SPAST: variants seen among roughly 807,000 people sequenced by gnomAD.
SPAST encodes the protein spastic paraplegia 4 (autosomal dominant; spastin).
A neutral mutation model predicts 76.6 loss-of-function variants in SPAST; 30 were observed. The observed-to-expected ratio is 0.39, with a 90% CI of 0.29 to 0.53. The LOEUF (loss-of-function observed/expected upper bound fraction) is 0.53, where lower values mean the gene tolerates loss of function less well. Among genes scored for constraint, SPAST ranks in the 20% least tolerant of loss-of-function variants. The pLI is 0.68. For missense variants in SPAST, 717 were observed against 770.5 expected, an observed-to-expected ratio of 0.93 and a Z score of 0.82; for synonymous variants, 305 against 281.0, an observed-to-expected ratio of 1.09 and a Z score of -0.86.
intron 4 of SPAST, among the ~76,000 whole-genome samples, chr2:32,114,357 A>G (rs548922963): frequency 1.0e-3 from 156 of 152,122 alleles, no homozygotes; most frequent in Non-Finnish European, 1.6e-3. Flanking sequence ...TAAGGCCACA[A>G]TGAGCTGTGA....
At position 32,063,665 on chromosome 2, in the gene SPAST, G is replaced by T. The variant is rs964855454; in HGVS notation, c.-167G>T. ...GGGGTTGTGCTCCTGGCCGAGGAAG[G>T]AGAAAGGGGCGGGGCCGGCGGGCAG... On this transcript the variant is annotated 5_prime_UTR_variant, in exon 1 of 17. Coordinates refer to ENST00000315285, the MANE Select transcript of SPAST (RefSeq NM_014946.4). The T allele has an allele frequency of 7.0e-5, 60 of 857,434 alleles. No homozygotes were observed. Among genetic ancestry groups the T allele is most frequent in the Non-Finnish European group, 1.0e-4 (59 of 575,464 alleles). 53.1% of individuals were successfully genotyped at this position (857,434 alleles called of 1,614,324 possible).
chr2:32,098,532 A>T (rs1678003530), intron 3 of SPAST, among the ~76,000 whole-genome samples: 1 of 152,142 alleles, frequency 6.6e-6, no homozygotes, highest in Non-Finnish European at 1.5e-5. Flanking sequence ...GATGATAGTG[A>T]TATCTAACTA....
chr2:32,129,583 C>T (rs1410944214), intron 9 of SPAST: 1 of 152,148 alleles, frequency 6.6e-6, no homozygotes, highest in African/African-American at 2.4e-5. Context: ...TGGTGCATTG[C>T]AAAACTGTGA....
Position 32,150,230 on chromosome 2 carries a change from G to A in SPAST, c.1728+2972G>A, listed in dbSNP as rs188824148. 5.8e-3 allele frequency among the ~76,000 whole-genome samples: 791 copies of A among 136,242 alleles called. 4 individuals carry two copies. Among genetic ancestry groups the A allele is most frequent in the Non-Finnish European group, 8.9e-3 (577 of 64,584 alleles). 89.4% of individuals were successfully genotyped at this position (136,242 alleles called of 152,430 possible). A position where few individuals can be genotyped will look rare whatever the true frequency, so the allele number is the denominator to read the frequency against. The stretch of plus-strand genomic sequence containing the variant: ...TGGGACTACAGGTGCACGCCACCAC[G>A]CCCAGCTAATTTTTTTTTTTTTTTT... On this transcript the variant is annotated intron_variant, in intron 16 of 16. Coordinates refer to ENST00000315285, the MANE Select transcript of SPAST (RefSeq NM_014946.4).
chr2:32,115,756 C>G lies in SPAST; in HGVS notation c.925C>G (p.Arg309Gly). 6.2e-7 allele frequency: 1 copy of G among 1,610,768 alleles called. No homozygotes were observed. Among genetic ancestry groups the G allele is most frequent in the South Asian group, 1.1e-5 (1 of 90,928 alleles). ...NKPSTPTTAT[R>G]KKKDLKNFRN... ...ACCTTCTACCCCTACAACTGCTACT[C>G]GTAAGAAAAAAGACTTGAAGAATTT... Residue 309 changes from arginine (R) to glycine (G), a missense_variant, in exon 6 of 17, where the codon CGT (arginine) becomes GGT (glycine). By Grantham distance (125) the Arg-to-Gly change is moderately radical (BLOSUM62 -2). This residue lies in a region of SPAST where 543 missense variants were observed against 445.2 expected (regional missense o/e 1.22). Coordinates refer to ENST00000315285, the MANE Select transcript of SPAST (RefSeq NM_014946.4).
intron 1 of SPAST, among the ~76,000 whole-genome samples, chr2:32,066,605 T>G (rs369064666): frequency 6.7e-6 from 1 of 150,330 alleles, no homozygotes; most frequent in South Asian, 2.1e-4. Flanking sequence ...AAGGTGGAGG[T>G]TGCAGTGAGC....
chr2:32,132,127 T>G (rs1679388571), intron 9 of SPAST, among the ~76,000 whole-genome samples: 1 of 152,184 alleles, frequency 6.6e-6, no homozygotes, highest in South Asian at 2.1e-4. Context: ...TGGTGGCTCA[T>G]GCCTGTAATC....
Position 32,117,667 on chromosome 2 carries a change from G to A in SPAST, c.1098+1455G>A, listed in dbSNP as rs1027362154. On this transcript the variant is annotated intron_variant, in intron 7 of 16. Coordinates refer to ENST00000315285, the MANE Select transcript of SPAST (RefSeq NM_014946.4). ...ATGCCTCATCCTCCTGAGTAGCTGG[G>A]TCTATAGGCATGCACCCCAACACCT... Among the ~76,000 whole-genome samples the A allele has an allele frequency of 5.3e-5, 8 of 151,738 alleles. No individual in the cohort carries two copies. The East Asian group carries it at 5.8e-4, about 11-fold the overall frequency.
intron 3 of SPAST, among the ~76,000 whole-genome samples, chr2:32,095,351 T>C (rs1677877539): frequency 6.6e-6 from 1 of 152,078 alleles, no homozygotes; most frequent in African/African-American, 2.4e-5. Flanking sequence ...AGCTTTCTTG[T>C]GTGACAAAGC....
rs1373852506 is a variant in SPAST, at chr2:32,142,029, T to C, written c.1536+83T>C. ...TGACAATATTAAGTCTTCCAATCCATGGTACAGCTACTTTGGAAAACAGTT... is the reference window on the plus strand; with the variant it reads ...TGACAATATTAAGTCTTCCAATCCACGGTACAGCTACTTTGGAAAACAGTT... On this transcript the variant is annotated intron_variant, in intron 13 of 16. Coordinates refer to ENST00000315285, the MANE Select transcript of SPAST (RefSeq NM_014946.4). 3 of 1,048,820 alleles carry C rather than the reference T, an allele frequency of 2.9e-6. No homozygotes were observed. In the African/African-American group the frequency reaches 4.7e-5, roughly 16 times the overall value. 65.0% of individuals were successfully genotyped at this position (1,048,820 alleles called of 1,614,324 possible).
At chr2:32,067,218 C>T (rs759578364) in intron 1 of SPAST, among the ~76,000 whole-genome samples, 3 of 152,058 alleles carry the variant, frequency 2.0e-5, no homozygotes, top group Non-Finnish European at 4.4e-5. Flanking sequence ...TATGCCACCA[C>T]GCCCAGCTAA....
intron 1 of SPAST, among the ~76,000 whole-genome samples, chr2:32,066,956 A>T (rs1329361851): frequency 1.6e-5 from 2 of 121,822 alleles, no homozygotes; most frequent in African/African-American, 3.2e-5. Context: ...ACTGGGTGAC[A>T]GGAGTAAAAC....
At chr2:32,117,402 T>TC (rs1365773628) in intron 7 of SPAST, among the ~76,000 whole-genome samples, 1 of 151,848 alleles carries the variant, frequency 6.6e-6, no homozygotes, top group African/African-American at 2.4e-5. Flanking sequence ...TGTGGTAAAC[T>TC]CCATCGAAGG....
rs1358976852 is a variant in SPAST, at chr2:32,114,821, A to G, written c.866A>G (p.His289Arg). Residue 289 changes from histidine (H) to arginine (R), a missense_variant, in exon 5 of 17, where the codon CAT (histidine) becomes CGT (arginine). His to Arg is a conservative substitution (Grantham distance 29). Transcript: ENST00000315285. ...GGATCTGGTCCTGCTCCTACCACTC[A>G]TAAGGTATTCTGGGACAGTAACTTT... ...KQGSGPAPTT[H>R]KGTPKTNRTN... The G allele has an allele frequency of 6.2e-7, 1 of 1,613,580 alleles. No homozygotes were observed. Among genetic ancestry groups the G allele is most frequent in the East Asian group, 2.2e-5 (1 of 44,882 alleles).
At chr2:32,131,014 A>G (rs796460136) in intron 9 of SPAST, among the ~76,000 whole-genome samples, 93 of 152,330 alleles carry the variant, frequency 6.1e-4, no homozygotes, top group African/African-American at 2.1e-3. Flanking sequence ...CAAACTTGAC[A>G]TGTTGACCAT....
intron 3 of SPAST, among the ~76,000 whole-genome samples, chr2:32,094,419 C>T (rs1485235684): frequency 6.6e-6 from 1 of 151,960 alleles, no homozygotes; most frequent in Non-Finnish European, 1.5e-5. Flanking sequence ...TGAGAAGTTG[C>T]CATGAGTTAG....
chr2:32,144,922 C>T lies in SPAST; in HGVS notation c.1617-15C>T. ...GAGGGGAAATAATTTGCTGTTTCTT[C>T]CTTCCCTTCCTCAGAATGACTGATG... On this transcript the variant is annotated splice_polypyrimidine_tract_variant and intron_variant, in intron 14 of 16. Coordinates refer to ENST00000315285, the MANE Select transcript of SPAST (RefSeq NM_014946.4). 6.2e-7 allele frequency: 1 copy of T among 1,603,008 alleles called. No individual in the cohort carries two copies. Among genetic ancestry groups the T allele is most frequent in the Admixed American group, 1.7e-5 (1 of 59,572 alleles).
chr2:32,127,207 T>A (rs1679224847), intron 8 of SPAST, 185 bp downstream of exon 8: 1 of 585,694 alleles, frequency 1.7e-6, no homozygotes, highest in Non-Finnish European at 3.1e-6. Flanking sequence ...AACCTCCGCC[T>A]CCTGGGTTCA....
intron 4 of SPAST, among the ~76,000 whole-genome samples, chr2:32,109,031 G>A (rs1678432036): frequency 6.6e-6 from 1 of 151,912 alleles, no homozygotes; most frequent in Non-Finnish European, 1.5e-5. Flanking sequence ...CACAGTGCTG[G>A]CATTACAGGC....
Sources: gnomAD v4.1 joint callset for allele counts (sites outside exome capture counted in the v4.1 genomes callset) on GRCh38, gnomAD v4.1.1 for gene constraint, gnomAD v4.1.1 regional missense constraint, MANE v1.5 for transcripts, NCBI Gene and HGNC (gene_info 2026-07-23, HGNC 2026-07-21) for gene names.